Variants in KCND3 observed in about 807,000 individuals in gnomAD.
KCND3 encodes the protein A-type voltage-gated potassium channel KCND3.
KCND3 carries 9 observed loss-of-function variants against 51.1 expected under a neutral mutation model. The observed-to-expected ratio is 0.18, with a 90% CI of 0.11 to 0.31. The LOEUF is 0.31. Among genes scored for constraint, KCND3 ranks in the 10% least tolerant of loss-of-function variants. The pLI is 1.00. For missense variants in KCND3, 526 were observed against 903.8 expected (o/e 0.58, Z 5.36); for synonymous variants, 349 against 368.0 (o/e 0.95, Z 0.59).
chr1:111,865,050 A>G (rs990367328), intron 2 of KCND3, among the ~76,000 whole-genome samples: 1 of 152,200 alleles, frequency 6.6e-6, no homozygotes, highest in African/African-American at 2.4e-5. Context: ...CCCAATCTTC[A>G]TCTTGGTCTG....
chr1:111,916,901 T>C (rs1170434842), intron 2 of KCND3, among the ~76,000 whole-genome samples: 2 of 152,226 alleles, frequency 1.3e-5, no homozygotes, highest in Non-Finnish European at 2.9e-5. Context: ...AAATTGTATT[T>C]CTAGTTAAAT....
rs112943322 is a variant in KCND3, at chr1:111,961,011, T to G, written c.1106+20610A>C. Among the ~76,000 whole-genome samples the G allele has an allele frequency of 4.5e-3, 681 of 152,166 alleles. 5 individuals carry two copies. The highest frequency in any genetic ancestry group is 0.015 in the African/African-American group (629 of 41,524). On this transcript the variant is annotated intron_variant, in intron 2 of 7. Transcript: ENST00000302127. Reference sequence around the variant, plus strand: ...CAGAGCCATGAGGAGAGGGCCTAGATAGGGGTAGCCTCGACTCTGTGCTCT... The same window carrying G: ...CAGAGCCATGAGGAGAGGGCCTAGAGAGGGGTAGCCTCGACTCTGTGCTCT...
At chr1:111,969,160 T>C (rs1043701509) in intron 2 of KCND3, among the ~76,000 whole-genome samples, 1 of 152,124 alleles carries the variant, frequency 6.6e-6, no homozygotes, top group Non-Finnish European at 1.5e-5. Context: ...CATATCCCTG[T>C]TGGCCACACG....
At chr1:111,840,329 T>C (rs1667271140) in intron 2 of KCND3, among the ~76,000 whole-genome samples, 1 of 152,204 alleles carries the variant, frequency 6.6e-6, no homozygotes, top group Non-Finnish European at 1.5e-5. Context: ...GCTGCTCCTC[T>C]GGTATGGAGC....
Position 111,848,747 on chromosome 1 carries a change from C to A in KCND3, c.1107-61641G>T, listed in dbSNP as rs536551335. 4.6e-5 allele frequency among the ~76,000 whole-genome samples: 7 copies of A among 152,324 alleles called. No individual in the cohort carries two copies. The South Asian group carries it at 1.2e-3, about 27-fold the overall frequency. ...AGAATTATTTCACCTCTCCAAGCTT[C>A]CATTCTTGCCTGTAGGATGTGGATA... On this transcript the variant is annotated intron_variant, in intron 2 of 7. Coordinates refer to ENST00000302127, the MANE Select transcript of KCND3 (RefSeq NM_001378969.1).
intron 2 of KCND3, among the ~76,000 whole-genome samples, chr1:111,813,186 G>GC (rs2101578755): frequency 6.6e-6 from 1 of 152,232 alleles, no homozygotes; most frequent in Non-Finnish European, 1.5e-5. Context: ...GGTCACAGGG[G>GC]CCCCCAGATC....
rs576844734 is a variant in KCND3, at chr1:111,828,344, T to G, written c.1107-41238A>C. On this transcript the variant is annotated intron_variant, in intron 2 of 7. Transcript: ENST00000302127. Reference sequence around the variant, plus strand: ...CTGTGGCCATCTCAAAATAATTGTCTCATTTTATGGGCTTCTGTCTGGGTT... The same window carrying G: ...CTGTGGCCATCTCAAAATAATTGTCGCATTTTATGGGCTTCTGTCTGGGTT... Among the ~76,000 whole-genome samples, 24 of 152,326 alleles carry G rather than the reference T, an allele frequency of 1.6e-4. No individual in the cohort carries two copies. The East Asian group carries it at 4.6e-3, about 29-fold the overall frequency.
At chr1:111,910,556 C>G (rs1465208106) in intron 2 of KCND3, among the ~76,000 whole-genome samples, 1 of 152,222 alleles carries the variant, frequency 6.6e-6, no homozygotes, top group African/African-American at 2.4e-5. Flanking sequence ...TGGGGAGATA[C>G]TCATCTGCAG....
At chr1:111,860,112 A>G (rs10494140) in intron 2 of KCND3, among the ~76,000 whole-genome samples, 7 of 152,114 alleles carry the variant, frequency 4.6e-5, no homozygotes, top group African/African-American at 1.7e-4. Flanking sequence ...ACTACCAACA[A>G]TAGTTACGGC....
intron 2 of KCND3, among the ~76,000 whole-genome samples, chr1:111,885,457 C>T (rs183557936): frequency 1.1e-3 from 163 of 152,310 alleles, no homozygotes; most frequent in Non-Finnish European, 2.0e-3. Flanking sequence ...CAACAAGCTT[C>T]AGGGCAGTGT....
At chr1:111,883,143 C>A (rs567407304) in intron 2 of KCND3, among the ~76,000 whole-genome samples, 2 of 152,352 alleles carry the variant, frequency 1.3e-5, no homozygotes, top group South Asian at 4.1e-4. Context: ...TCCATCTGAA[C>A]CTTCCAGCCC....
chr1:111,779,833 G>T (rs551537528), intron 5 of KCND3, among the ~76,000 whole-genome samples: 96 of 152,344 alleles, frequency 6.3e-4, no homozygotes, highest in African/African-American at 2.1e-3. Flanking sequence ...AGCCCCAGAG[G>T]TGGGACAGAA....
Position 111,774,092 on chromosome 1 carries a change from AGACAG to A in KCND3, c.*1980_*1984del, listed in dbSNP as rs1240912536. 1 of 152,232 alleles carries A rather than the reference AGACAG, an allele frequency of 6.6e-6. No homozygotes were observed. Among genetic ancestry groups the A allele is most frequent in the East Asian group, 1.9e-4 (1 of 5,192 alleles). The allele number at this position is 152,232 out of a possible 1,614,324, so 9.4% of individuals were successfully genotyped here. A position where few individuals can be genotyped will look rare whatever the true frequency, so the allele number is the denominator to read the frequency against. On this transcript the variant is annotated 3_prime_UTR_variant, in exon 8 of 8. Transcript: ENST00000302127. ...AATGAGGATAAGCATAAAGAGATAA[AGACAG>A]AAAGAAGGCTCCCTCTCCTCTGCCT...
At chr1:111,927,852 T>C (rs11588747) in intron 2 of KCND3, among the ~76,000 whole-genome samples, 34,736 of 152,056 alleles carry the variant, frequency 0.23, 4,423 homozygotes, top group Non-Finnish European at 0.3. Context: ...CTCTTCCCTC[T>C]CCACAGCACT....
intron 2 of KCND3, among the ~76,000 whole-genome samples, chr1:111,935,245 T>G (rs1672163121): frequency 6.6e-6 from 1 of 152,200 alleles, no homozygotes; most frequent in Non-Finnish European, 1.5e-5. Context: ...TTTGTATACC[T>G]CATCAACCAA....
intron 2 of KCND3, among the ~76,000 whole-genome samples, chr1:111,850,793 A>G (rs968576917): frequency 5.3e-5 from 8 of 152,358 alleles, no homozygotes; most frequent in Non-Finnish European, 1.2e-4. Flanking sequence ...TGGCGGCAGA[A>G]AAAGGCTGGC....
intron 2 of KCND3, among the ~76,000 whole-genome samples, chr1:111,945,068 G>A (rs1672713706): frequency 1.3e-5 from 2 of 152,216 alleles, no homozygotes; most frequent in Non-Finnish European, 2.9e-5. Context: ...TGGTAGAGGG[G>A]AGGTGGTGGG....
intron 2 of KCND3, among the ~76,000 whole-genome samples, chr1:111,789,575 C>T (rs149114537): frequency 1.5e-4 from 23 of 152,226 alleles, no homozygotes; most frequent in Middle Eastern, 6.8e-3. Context: ...AGATGGAAAA[C>T]GGCTGTATTG....
intron 2 of KCND3, among the ~76,000 whole-genome samples, chr1:111,967,167 A>G (rs569132462): frequency 6.6e-6 from 1 of 151,704 alleles, no homozygotes; most frequent in Non-Finnish European, 1.5e-5. Flanking sequence ...AAACAAAAAA[A>G]AAAACAAAAC....
Sources: allele counts gnomAD v4.1 joint callset (sites outside exome capture counted in the v4.1 genomes callset), GRCh38; gene constraint gnomAD v4.1.1; transcripts MANE v1.5; gene names NCBI Gene and HGNC (gene_info 2026-07-23, HGNC 2026-07-21).